SHISA9: variants seen among roughly 807,000 people sequenced by gnomAD.
The protein encoded by SHISA9 is shisa family member 9, also known as protein shisa-9.
SHISA9 carries 13 observed loss-of-function variants against 38.0 expected under a neutral mutation model. The observed-to-expected ratio is 0.34, with a 90% CI of 0.22 to 0.54. The LOEUF is 0.54. Ranked by LOEUF, SHISA9 falls within the 20% of genes least tolerant of loss-of-function variation. The pLI, the probability that SHISA9 is intolerant of heterozygous loss-of-function variation, is 0.91. For synonymous variants in SHISA9, 275 were observed against 242.0 expected (o/e 1.14, Z -1.27); for missense variants, 538 against 575.8 (o/e 0.93, Z 0.67).
chr16:13,157,366 C>A (rs929535425), intron 2 of SHISA9, among the ~76,000 whole-genome samples: 6 of 152,198 alleles, frequency 3.9e-5, no homozygotes, highest in African/African-American at 1.4e-4. Context: ...ACTTGATTAG[C>A]AGAGAATGGG....
At chr16:13,251,370 G>T in the SHISA9 span, among the ~76,000 whole-genome samples, 1 of 152,158 alleles carries the variant, frequency 6.6e-6, no homozygotes, top group African/African-American at 2.4e-5. Flanking sequence ...CAGCTATGCA[G>T]GTGTACCCAG....
chr16:13,217,230 ATC>A, intron 4 of SHISA9, among the ~76,000 whole-genome samples: 1 of 152,144 alleles, frequency 6.6e-6, no homozygotes, highest in Non-Finnish European at 1.5e-5. Flanking sequence ...GTGAGCAGAG[ATC>A]TTGCCACTGC....
intron 2 of SHISA9, among the ~76,000 whole-genome samples, chr16:13,176,371 C>T (rs1191469601): frequency 3.9e-5 from 6 of 152,174 alleles, no homozygotes; most frequent in African/African-American, 1.2e-4. Flanking sequence ...TCTCTTTGGT[C>T]TCTGATCACA....
intron 2 of SHISA9, among the ~76,000 whole-genome samples, chr16:13,149,304 G>A (rs1425155212): frequency 1.3e-5 from 2 of 152,256 alleles, no homozygotes; most frequent in Admixed American, 1.3e-4. Flanking sequence ...GGCATTGAAG[G>A]GCAGCTGGGG....
chr16:13,157,031 T>G (rs1457263324), intron 2 of SHISA9, among the ~76,000 whole-genome samples: 1 of 152,200 alleles, frequency 6.6e-6, no homozygotes, highest in African/African-American at 2.4e-5. Context: ...ATCAGAGGAT[T>G]CCTATTTAGA....
At chr16:13,450,476 G>A in the SHISA9 span, among the ~76,000 whole-genome samples, 1 of 152,138 alleles carries the variant, frequency 6.6e-6, no homozygotes, top group South Asian at 2.1e-4. Context: ...ACTTTCATGG[G>A]TCTCCTCATT....
the SHISA9 span, among the ~76,000 whole-genome samples, chr16:13,393,447 C>A: frequency 6.6e-6 from 1 of 152,160 alleles, no homozygotes; most frequent in African/African-American, 2.4e-5. Context: ...TGTGTCTGAT[C>A]CACTGATGTC....
At chr16:12,913,725 G>C (rs1054981280) in intron 1 of SHISA9, among the ~76,000 whole-genome samples, 1 of 152,122 alleles carries the variant, frequency 6.6e-6, no homozygotes, top group African/African-American at 2.4e-5. Context: ...TTATGGATTT[G>C]CCTGTTCTGG....
chr16:13,029,931 T>C (rs925100714), intron 2 of SHISA9, among the ~76,000 whole-genome samples: 4 of 152,140 alleles, frequency 2.6e-5, no homozygotes, highest in Non-Finnish European at 4.4e-5. Flanking sequence ...CCCTAGGCAA[T>C]TTATTCAAGC....
At chr16:13,363,876 A>G in the SHISA9 span, among the ~76,000 whole-genome samples, 1 of 152,236 alleles carries the variant, frequency 6.6e-6, no homozygotes. Context: ...TCCAAAGACC[A>G]GAAATATCAG....
At chr16:13,401,914 G>A in the SHISA9 span, among the ~76,000 whole-genome samples, 2 of 152,144 alleles carry the variant, frequency 1.3e-5, no homozygotes, top group Admixed American at 6.5e-5. Flanking sequence ...CCTGTGCCAG[G>A]GAACTGCCCT....
chr16:13,363,925 C>T, the SHISA9 span, among the ~76,000 whole-genome samples: 1 of 152,166 alleles, frequency 6.6e-6, no homozygotes, highest in African/African-American at 2.4e-5. Flanking sequence ...CATTGTCAGG[C>T]CCTCCCAGAC....
chr16:13,354,143 G>A, the SHISA9 span, among the ~76,000 whole-genome samples: 5 of 149,530 alleles, frequency 3.3e-5, no homozygotes, highest in African/African-American at 1.2e-4. Flanking sequence ...AAGGGAGGGG[G>A]CCTGAAGAAT....
chr16:13,379,412 A>G, the SHISA9 span, among the ~76,000 whole-genome samples: 1 of 152,164 alleles, frequency 6.6e-6, no homozygotes, highest in Admixed American at 6.5e-5. Flanking sequence ...TTTTCCCATC[A>G]GAGCTTTTCA....
At chr16:13,243,395 A>G (rs570675978), downstream of SHISA9, among the ~76,000 whole-genome samples, 5 of 152,324 alleles carry the variant, frequency 3.3e-5, 1 homozygote, top group South Asian at 8.3e-4. Flanking sequence ...AATCAAGTAC[A>G]TTTAAGAAAT....
intron 3 of SHISA9, among the ~76,000 whole-genome samples, chr16:13,211,069 G>C (rs1038944234): frequency 1.2e-4 from 19 of 152,252 alleles, no homozygotes; most frequent in Middle Eastern, 3.4e-3. Context: ...GGCCAAAGCA[G>C]ACAGATCACT....
chr16:13,367,712 GCACACACACACACACACACACACA>G, the SHISA9 span, among the ~76,000 whole-genome samples: 5 of 104,640 alleles, frequency 4.8e-5, no homozygotes, highest in Non-Finnish European at 7.9e-5. Flanking sequence ...GCGCGCGCGC[GCACACACACACACACACACACACA>G]CACACACACA....
the SHISA9 span, among the ~76,000 whole-genome samples, chr16:13,551,417 A>C: frequency 6.6e-6 from 1 of 152,202 alleles, no homozygotes; most frequent in Non-Finnish European, 1.5e-5. Context: ...TTGTAAGTAC[A>C]TGAGTACATG....
the SHISA9 span, among the ~76,000 whole-genome samples, chr16:13,260,981 A>C: frequency 6.6e-6 from 1 of 152,142 alleles, no homozygotes; most frequent in Non-Finnish European, 1.5e-5. Flanking sequence ...GGAAGAAGCA[A>C]AAGCAGAAGC....
Sources: allele counts gnomAD v4.1 joint callset (sites outside exome capture counted in the v4.1 genomes callset), GRCh38; gene constraint gnomAD v4.1.1; transcripts MANE v1.5; gene names NCBI Gene and HGNC (gene_info 2026-07-23, HGNC 2026-07-21).